Variants in PPP1R16B observed in about 807,000 individuals in gnomAD.
The protein encoded by PPP1R16B is protein phosphatase 1 regulatory inhibitor subunit 16B.
Under a neutral mutation model 61.7 loss-of-function variants are expected in PPP1R16B, and 14 were observed. The observed-to-expected ratio is 0.23, with a 90% CI of 0.15 to 0.35. The LOEUF (loss-of-function observed/expected upper bound fraction) is 0.35. Ranked by LOEUF, PPP1R16B falls within the 10% of genes least tolerant of loss-of-function variation. PPP1R16B has a pLI of 1.00. For synonymous variants in PPP1R16B, 266 were observed against 305.3 expected (o/e 0.87, Z 1.34); for missense variants, 547 against 752.5 (o/e 0.73, Z 3.19).
At chr20:38,846,884 G>C (rs1015491707) in intron 2 of PPP1R16B, among the ~76,000 whole-genome samples, 12 of 152,046 alleles carry the variant, frequency 7.9e-5, no homozygotes, top group African/African-American at 2.9e-4. Flanking sequence ...GTGTACCTGT[G>C]GTCTTAGCAA....
chr20:38,847,700 A>G (rs2084943784), intron 2 of PPP1R16B, among the ~76,000 whole-genome samples: 1 of 152,104 alleles, frequency 6.6e-6, no homozygotes, highest in Non-Finnish European at 1.5e-5. Context: ...ATTGGTTTCA[A>G]TGATTGTGTA....
intron 2 of PPP1R16B, among the ~76,000 whole-genome samples, chr20:38,852,767 T>TTTTTTGGG (rs2084977606): frequency 9.7e-6 from 1 of 103,264 alleles, no homozygotes; most frequent in Non-Finnish European, 1.9e-5. Flanking sequence ...TTTTTTTTTT[T>TTTTTTGGG]TGCGGGGGGT....
Position 38,918,097 on chromosome 20 carries a change from A to T in PPP1R16B, c.1195-60A>T. ...ACAATAATGCCCTCAGCAGAGAGAC[A>T]GGTGGATAGTAGGTTCAGATCTTCC... On this transcript the variant is annotated intron_variant, in intron 10 of 10. Transcript: ENST00000299824. The surrounding 1 kb of genome is among the most constrained non-coding windows in gnomAD (Gnocchi z 5.3). 1.3e-6 allele frequency: 2 copies of T among 1,583,146 alleles called. No individual in the cohort carries two copies. The highest frequency in any genetic ancestry group is 2.3e-5 in the South Asian group (2 of 87,700).
chr20:38,853,851 A>G (rs1380656228), intron 2 of PPP1R16B, among the ~76,000 whole-genome samples: 1 of 152,204 alleles, frequency 6.6e-6, no homozygotes, highest in Non-Finnish European at 1.5e-5. Context: ...TCCTTTATCC[A>G]GCATGATGGT....
At chr20:38,820,079 G>C (rs1027787352) in intron 1 of PPP1R16B, among the ~76,000 whole-genome samples, 4 of 152,162 alleles carry the variant, frequency 2.6e-5, no homozygotes, top group Non-Finnish European at 5.9e-5. Flanking sequence ...CTGTTTGCGA[G>C]AGTCATCCAT....
At chr20:38,908,403 T>A (rs568497380) in intron 10 of PPP1R16B, among the ~76,000 whole-genome samples, 2 of 152,104 alleles carry the variant, frequency 1.3e-5, no homozygotes, top group East Asian at 3.9e-4. Context: ...GTTAAGGAGG[T>A]GATCGGGGAG....
At chr20:38,894,496 C>T (rs1256864097) in intron 3 of PPP1R16B, among the ~76,000 whole-genome samples, 1 of 152,226 alleles carries the variant, frequency 6.6e-6, no homozygotes, top group Non-Finnish European at 1.5e-5. Flanking sequence ...ATCTGTTCTC[C>T]ACGTGTAATC....
At chr20:38,853,916 C>T (rs903924845) in intron 2 of PPP1R16B, among the ~76,000 whole-genome samples, 12 of 152,196 alleles carry the variant, frequency 7.9e-5, no homozygotes, top group Non-Finnish European at 1.8e-4. Context: ...CAGCCTTTGC[C>T]TGCATCGCGC....
chr20:38,849,529 T>C (rs2084953988), intron 2 of PPP1R16B, among the ~76,000 whole-genome samples: 1 of 152,188 alleles, frequency 6.6e-6, no homozygotes, highest in South Asian at 2.1e-4. Flanking sequence ...CTGGTTGCTT[T>C]TGCCTGTTAG....
At chr20:38,895,485 G>A (rs1000911730) in intron 3 of PPP1R16B, 80 bp from the exon 4 acceptor site, 14 of 1,474,398 alleles carry the variant, frequency 9.5e-6, no homozygotes, top group African/African-American at 2.8e-5. Flanking sequence ...GGCCTCTTGC[G>A]GGGAACCTGG....
chr20:38,906,283 GTTTTTTTTTT>G (rs907617949), intron 7 of PPP1R16B, among the ~76,000 whole-genome samples, 189 bp downstream of exon 7: 1 of 101,246 alleles, frequency 9.9e-6, no homozygotes, highest in African/African-American at 3.3e-5. Context: ...AGCAAGTTGT[GTTTTTTTTTT>G]TTTTTTTTTT....
intron 2 of PPP1R16B, among the ~76,000 whole-genome samples, chr20:38,868,442 T>A (rs2085104631): frequency 6.6e-6 from 1 of 151,954 alleles, no homozygotes; most frequent in Admixed American, 6.6e-5. Flanking sequence ...TGGAGTGCAG[T>A]GGCGTGATCT....
At chr20:38,815,954 G>A (rs2084732602) in intron 1 of PPP1R16B, among the ~76,000 whole-genome samples, 1 of 152,122 alleles carries the variant, frequency 6.6e-6, no homozygotes, top group African/African-American at 2.4e-5. Context: ...CATAAGCTTA[G>A]CTAACTTTTG....
At chr20:38,855,941 T>TAGAGAGAG (rs1371645291) in intron 2 of PPP1R16B, among the ~76,000 whole-genome samples, 5 of 25,368 alleles carry the variant, frequency 2.0e-4, no homozygotes, top group East Asian at 1.6e-3. Flanking sequence ...TATATATATA[T>TAGAGAGAG]ATAGAGAGAG....
chr20:38,835,527 A>C (rs957141217), intron 1 of PPP1R16B, among the ~76,000 whole-genome samples: 1 of 152,256 alleles, frequency 6.6e-6, no homozygotes, highest in Non-Finnish European at 1.5e-5. Flanking sequence ...TCCAGTATGA[A>C]GCATGTGGCG....
chr20:38,901,344 A>G (rs767835333), intron 5 of PPP1R16B, among the ~76,000 whole-genome samples: 15 of 152,168 alleles, frequency 9.9e-5, no homozygotes, highest in Non-Finnish European at 1.6e-4. Flanking sequence ...CTTCCTATTC[A>G]TCTCCTGCAG....
At chr20:38,916,847 T>G (rs2085545503) in intron 10 of PPP1R16B, among the ~76,000 whole-genome samples, 1 of 151,910 alleles carries the variant, frequency 6.6e-6, no homozygotes. Flanking sequence ...GTCAGTGTGA[T>G]ATCCAAAAGT....
chr20:38,865,439 G>C (rs558968571), intron 2 of PPP1R16B, among the ~76,000 whole-genome samples: 1 of 152,072 alleles, frequency 6.6e-6, no homozygotes, highest in Non-Finnish European at 1.5e-5. Flanking sequence ...ACAGGTGCCC[G>C]CCACCACGGC....
At chr20:38,817,534 C>T (rs2084744136) in intron 1 of PPP1R16B, among the ~76,000 whole-genome samples, 1 of 144,012 alleles carries the variant, frequency 6.9e-6, no homozygotes. Flanking sequence ...CACTGCACTC[C>T]AGCCTGGGCA....
Sources: allele counts gnomAD v4.1 joint callset (sites outside exome capture counted in the v4.1 genomes callset), GRCh38; gene constraint gnomAD v4.1.1; non-coding constraint Gnocchi (gnomAD v3.1); transcripts MANE v1.5; gene names NCBI Gene and HGNC (gene_info 2026-07-23, HGNC 2026-07-21).